NVL: variants seen among roughly 807,000 people sequenced by gnomAD.
NVL encodes nuclear VCP like, also known as nuclear valosin-containing protein-like.
A neutral mutation model predicts 110.2 loss-of-function variants in NVL; 84 were observed. That is an observed-to-expected ratio of 0.76 (90% CI 0.64 to 0.91). The LOEUF (loss-of-function observed/expected upper bound fraction) is 0.91, where lower values mean the gene tolerates loss of function less well. Ranked by LOEUF, NVL falls within the 40% of genes least tolerant of loss-of-function variation. The pLI is 0.00. For synonymous variants in NVL, 354 were observed against 361.1 expected, an observed-to-expected ratio of 0.98 and a Z score of 0.22; for missense variants, 882 against 1,035.9, an observed-to-expected ratio of 0.85 and a Z score of 2.04.
chr1:224,308,113 G>C lies in NVL; in HGVS notation c.493C>G (p.Pro165Ala). 6.2e-7 allele frequency: 1 copy of C among 1,613,648 alleles called. No individual in the cohort carries two copies. The highest frequency in any genetic ancestry group is 8.5e-7 in the Non-Finnish European group (1 of 1,179,874). The stretch of plus-strand genomic sequence containing the variant: ...CATCCTCCTTCAGAATCTTTGGCAG[G>C]GGTCTTCAAGGGAATGGAGCCTGTT... Reference protein sequence around the residue: ...SKTGSIPLKTPAKDSEGGWFI... With the variant: ...SKTGSIPLKTAAKDSEGGWFI... Residue 165 changes from proline (P) to alanine (A), a missense_variant, in exon 6 of 23, where the codon CCT becomes GCT. Pro to Ala is a conservative substitution (Grantham distance 27). This residue lies in a region of NVL where 274 missense variants were observed against 268.4 expected (regional missense o/e 1.02). Coordinates refer to ENST00000281701, the MANE Select transcript of NVL (RefSeq NM_002533.4).
At chr1:224,284,837 TG>T in intron 15 of NVL, among the ~76,000 whole-genome samples, 1 of 152,324 alleles carries the variant, frequency 6.6e-6, no homozygotes, top group East Asian at 1.9e-4. Context: ...AGGTAAAAAC[TG>T]GTGAAAACCT....
chr1:224,304,678 T>G (rs1005264947), intron 8 of NVL, 58 bp downstream of exon 8: 2 of 1,420,036 alleles, frequency 1.4e-6, no homozygotes, highest in South Asian at 2.4e-5. Context: ...GTAGGCTTTT[T>G]CCTCATAACT....
At chr1:224,254,095 G>A (rs1210161886) in intron 18 of NVL, among the ~76,000 whole-genome samples, 2 of 151,204 alleles carry the variant, frequency 1.3e-5, no homozygotes, top group Non-Finnish European at 2.9e-5. Flanking sequence ...TGTACAACAT[G>A]TTTTTTTTTG....
At chr1:224,285,699 C>A (rs1666793666) in intron 15 of NVL, among the ~76,000 whole-genome samples, 1 of 151,824 alleles carries the variant, frequency 6.6e-6, no homozygotes, top group South Asian at 2.1e-4. Context: ...TAAATAATAA[C>A]AATACCAAAG....
At chr1:224,280,189 T>G (rs867156964) in intron 16 of NVL, among the ~76,000 whole-genome samples, 88 of 150,834 alleles carry the variant, frequency 5.8e-4, no homozygotes, top group South Asian at 1.0e-3. Context: ...GTTTTTTTTT[T>G]TTTTGCTGGG....
chr1:224,275,281 C>T, intron 17 of NVL, 58 bp downstream of exon 17: 1 of 1,599,760 alleles, frequency 6.3e-7, no homozygotes, highest in Admixed American at 1.7e-5. Context: ...TGGCTTGGAA[C>T]ATAGAAAAGG....
intron 19 of NVL, among the ~76,000 whole-genome samples, chr1:224,244,949 G>C (rs983327002): frequency 1.3e-5 from 2 of 152,206 alleles, no homozygotes; most frequent in Non-Finnish European, 2.9e-5. Context: ...GCCTCCCAAA[G>C]TGCTGGGATT....
intron 22 of NVL, among the ~76,000 whole-genome samples, chr1:224,229,739 C>T (rs1407503784): frequency 1.3e-5 from 2 of 152,184 alleles, no homozygotes; most frequent in East Asian, 1.9e-4. Context: ...TGAGCCACCG[C>T]GTCTGGCAAA....
chr1:224,299,685 A>G (rs1668209417), intron 10 of NVL, among the ~76,000 whole-genome samples: 1 of 152,268 alleles, frequency 6.6e-6, no homozygotes, highest in East Asian at 1.9e-4. Context: ...TTTGGAAAAC[A>G]GGTAGCACCT....
chr1:224,287,070 A>G (rs1571953053), intron 14 of NVL, among the ~76,000 whole-genome samples: 1 of 152,228 alleles, frequency 6.6e-6, no homozygotes, highest in East Asian at 1.9e-4. Flanking sequence ...ATAGGTCTCA[A>G]TGGAATATTA....
chr1:224,308,379 A>C, intron 5 of NVL, 116 bp from the exon 6 acceptor site: 2 of 892,846 alleles, frequency 2.2e-6, no homozygotes, highest in Admixed American at 5.9e-5. Flanking sequence ...CTTCTCTCAG[A>C]ACATTTATAA....
chr1:224,295,549 T>G (rs913398122), intron 11 of NVL, among the ~76,000 whole-genome samples: 1 of 151,852 alleles, frequency 6.6e-6, no homozygotes, highest in African/African-American at 2.4e-5. Context: ...TTTCTCAGAA[T>G]GCAGGCCTCA....
intron 19 of NVL, among the ~76,000 whole-genome samples, chr1:224,248,968 C>T (rs957477195): frequency 1.3e-5 from 2 of 152,136 alleles, no homozygotes; most frequent in South Asian, 2.1e-4. Flanking sequence ...ATGGAGAGAG[C>T]GGGTCCAGGT....
chr1:224,309,891 G>A lies in NVL; in HGVS notation c.343-1628C>T, dbSNP rs1249011412. Reference sequence around the variant, plus strand: ...TAAAAATGCCAAAAAGTAGCTAGGTGTGGTGGCGCACACCTTAATCTCAGC... The same window carrying A: ...TAAAAATGCCAAAAAGTAGCTAGGTATGGTGGCGCACACCTTAATCTCAGC... On this transcript the variant is annotated intron_variant, in intron 5 of 22. Coordinates refer to ENST00000281701, the MANE Select transcript of NVL (RefSeq NM_002533.4). Among the ~76,000 whole-genome samples the A allele has an allele frequency of 2.6e-5, 4 of 152,218 alleles. No individual in the cohort carries two copies. In the South Asian group the frequency reaches 8.3e-4, roughly 32 times the overall value.
At chr1:224,288,882 G>A (rs962155211) in intron 13 of NVL, among the ~76,000 whole-genome samples, 5 of 152,030 alleles carry the variant, frequency 3.3e-5, no homozygotes, top group African/African-American at 4.8e-5. Flanking sequence ...ATTTAATACC[G>A]ATCTTGGACT....
At chr1:224,329,987 T>C (rs542770168) in intron 1 of NVL, 84 bp downstream of exon 1, 112 of 1,355,662 alleles carry the variant, frequency 8.3e-5, no homozygotes, top group Non-Finnish European at 1.1e-4. Context: ...GAGTTCCACC[T>C]GGATGCCACC....
At chr1:224,297,193 T>C (rs929498660) in intron 10 of NVL, among the ~76,000 whole-genome samples, 1 of 152,204 alleles carries the variant, frequency 6.6e-6, no homozygotes, top group Non-Finnish European at 1.5e-5. Context: ...GCATTAAATA[T>C]TTTCAGACTG....
intron 9 of NVL, among the ~76,000 whole-genome samples, chr1:224,302,157 C>G (rs1434060824): frequency 6.6e-6 from 1 of 152,036 alleles, no homozygotes; most frequent in Non-Finnish European, 1.5e-5. Context: ...GATTTTCTTT[C>G]ATAGAACATT....
rs1485966276 is a variant in NVL at position 224,275,467 on chromosome 1, A to G, written c.1963-9T>C. ...TCACTCTCACCAACATACTAAACATACACAGAAAGGAAATAAAATACCAAC... is the reference window on the plus strand; with the variant it reads ...TCACTCTCACCAACATACTAAACATGCACAGAAAGGAAATAAAATACCAAC... On this transcript the variant is annotated splice_polypyrimidine_tract_variant and intron_variant, in intron 16 of 22. Transcript: ENST00000281701. The G allele has an allele frequency of 6.2e-7, 1 of 1,613,960 alleles. No homozygotes were observed. Among genetic ancestry groups the G allele is most frequent in the African/African-American group, 1.3e-5 (1 of 74,926 alleles).
Sources: allele counts gnomAD v4.1 joint callset (sites outside exome capture counted in the v4.1 genomes callset), GRCh38; gene constraint gnomAD v4.1.1; regional missense constraint gnomAD v4.1.1; transcripts MANE v1.5; gene names NCBI Gene and HGNC (gene_info 2026-07-23, HGNC 2026-07-21).